The following TSPEAR variants were observed in gnomAD, a reference collection of about 807,000 sequenced individuals.
The protein encoded by TSPEAR is thrombospondin type laminin G domain and EAR repeats, also known as thrombospondin-type laminin G domain and EAR repeat-containing protein.
A neutral mutation model predicts 71.6 loss-of-function variants in TSPEAR; 69 were observed. The observed-to-expected ratio is 0.96, with a 90% confidence interval of 0.79 to 1.18. TSPEAR has a LOEUF of 1.18. Among genes scored for constraint, TSPEAR ranks in the 50% most tolerant of loss-of-function variants. The probability of loss-of-function intolerance (pLI) is 0.00; values close to 1 mark genes in which losing one functional copy is unlikely to be tolerated. For synonymous variants in TSPEAR, 402 were observed against 387.2 expected (o/e 1.04, Z -0.45); for missense variants, 971 against 894.9 (o/e 1.09, Z -1.09).
intron 1 of TSPEAR, among the ~76,000 whole-genome samples, chr21:44,625,638 G>A (rs782269597): frequency 3.9e-5 from 6 of 152,344 alleles, no homozygotes; most frequent in South Asian, 2.1e-4. Context: ...GGGGAAGGCC[G>A]CGGGGAGCGG....
chr21:44,702,651 C>T (rs1987712933), intron 1 of TSPEAR: 3 of 1,581,308 alleles, frequency 1.9e-6, no homozygotes, highest in East Asian at 2.2e-5. Flanking sequence ...GGCCCACCTG[C>T]TGCATGCCCG....
intron 1 of TSPEAR, chr21:44,575,128 T>C (rs1978346402): frequency 9.6e-7 from 1 of 1,037,600 alleles, no homozygotes; most frequent in Non-Finnish European, 1.4e-6. Context: ...TGGTGTCTGC[T>C]GTTGAGCTGG....
At chr21:44,538,291 A>G (rs1457127481) in intron 2 of TSPEAR, among the ~76,000 whole-genome samples, 4 of 152,098 alleles carry the variant, frequency 2.6e-5, no homozygotes, top group African/African-American at 9.7e-5. Flanking sequence ...CCCACAGGAC[A>G]TCACAGGCAG....
intron 1 of TSPEAR, among the ~76,000 whole-genome samples, chr21:44,653,224 G>T (rs191178946): frequency 1.3e-5 from 2 of 152,194 alleles, no homozygotes; most frequent in Admixed American, 1.3e-4. Flanking sequence ...CTTATAGGGC[G>T]AGTGATGATG....
intron 1 of TSPEAR, chr21:44,591,615 C>A (rs201123949): frequency 0.018 from 28,476 of 1,612,568 alleles, 432 homozygotes; most frequent in African/African-American, 0.06. Flanking sequence ...TGCAGCAAGC[C>A]GGCTGGCAGC....
intron 1 of TSPEAR, among the ~76,000 whole-genome samples, chr21:44,696,868 C>A (rs563036695): frequency 1.3e-5 from 2 of 151,792 alleles, no homozygotes; most frequent in East Asian, 3.9e-4. Flanking sequence ...CTACGCTACA[C>A]GGTTCATGGT....
chr21:44,521,088 G>A (rs1056638863), intron 9 of TSPEAR, among the ~76,000 whole-genome samples: 2 of 152,234 alleles, frequency 1.3e-5, no homozygotes, highest in Non-Finnish European at 2.9e-5. Context: ...AGGGGGCACA[G>A]AAGATTCCAG....
At chr21:44,554,732 G>C (rs186929303) in intron 2 of TSPEAR, among the ~76,000 whole-genome samples, 1 of 152,334 alleles carries the variant, frequency 6.6e-6, no homozygotes, top group African/African-American at 2.4e-5. Context: ...GATGTACCGG[G>C]TTAAATAAGA....
At position 44,687,973 on chromosome 21, in the gene TSPEAR, A is replaced by T. The variant is rs1209233843; in HGVS notation, c.82+23460T>A. On this transcript the variant is annotated intron_variant, in intron 1 of 11. Coordinates refer to ENST00000323084, the MANE Select transcript of TSPEAR (RefSeq NM_144991.3). This position sits in a 1 kb window ranked among gnomAD's most constrained non-coding sequence, Gnocchi z 4.4. ...CGGGGGTGAGTATCCGATCAAGCAC[A>T]GTGAGTGACGTGCCAGGTGCAGATC... Among the ~76,000 whole-genome samples the T allele has an allele frequency of 6.6e-6, 1 of 152,202 alleles. No individual in the cohort carries two copies. Among genetic ancestry groups the T allele is most frequent in the Non-Finnish European group, 1.5e-5 (1 of 68,038 alleles).
chr21:44,643,375 G>A (rs587732337), intron 1 of TSPEAR, among the ~76,000 whole-genome samples: 1 of 152,252 alleles, frequency 6.6e-6, no homozygotes, highest in East Asian at 1.9e-4. Flanking sequence ...ACGCAACATA[G>A]TAACACCGAA....
chr21:44,553,332 T>A (rs2053476567), intron 2 of TSPEAR, among the ~76,000 whole-genome samples: 2 of 151,622 alleles, frequency 1.3e-5, no homozygotes, highest in African/African-American at 4.9e-5. Context: ...AACCAGTGAG[T>A]CTCCGATTCT....
chr21:44,527,175 C>T (rs782174565), intron 7 of TSPEAR, 117 bp downstream of exon 7: 25 of 938,484 alleles, frequency 2.7e-5, no homozygotes, highest in Non-Finnish European at 3.7e-5. Flanking sequence ...ACCGCCTGAA[C>T]GAGGTGACAC....
Position 44,668,690 on chromosome 21 carries a change from T to C in TSPEAR, c.82+42743A>G, listed in dbSNP as rs587733195. Among the ~76,000 whole-genome samples, 5 of 152,326 alleles carry C rather than the reference T, an allele frequency of 3.3e-5. No individual in the cohort carries two copies. In the South Asian group the frequency reaches 1.0e-3, roughly 32 times the overall value. ...ACTGTGGTACTGGCATAAAGACCAA[T>C]ATATAGACTAATGGAATAGCATAGA... On this transcript the variant is annotated intron_variant, in intron 1 of 11. Coordinates refer to ENST00000323084, the MANE Select transcript of TSPEAR (RefSeq NM_144991.3).
chr21:44,539,935 G>A (rs782092218), intron 2 of TSPEAR: 1 of 1,613,814 alleles, frequency 6.2e-7, no homozygotes, highest in Non-Finnish European at 8.5e-7. Flanking sequence ...TGCAGGAGCT[G>A]GTGCAGCCTG....
At chr21:44,579,599 G>A (rs1601440141) in intron 1 of TSPEAR, 2 of 879,996 alleles carry the variant, frequency 2.3e-6, no homozygotes, top group Non-Finnish European at 3.4e-6. Flanking sequence ...GGCAGGAGCT[G>A]GGGAGCTTCG....
chr21:44,559,655 G>A (rs1261764270), intron 2 of TSPEAR, among the ~76,000 whole-genome samples: 3 of 152,128 alleles, frequency 2.0e-5, no homozygotes, highest in Non-Finnish European at 2.9e-5. Context: ...AAATAAAAGG[G>A]TCTGATTGCA....
chr21:44,697,032 T>A, intron 1 of TSPEAR: 1 of 991,624 alleles, frequency 1.0e-6, no homozygotes, highest in Non-Finnish European at 1.4e-6. Context: ...AGACGCTCAC[T>A]CACTCCCTCC....
intron 1 of TSPEAR, chr21:44,682,133 T>A: frequency 6.2e-7 from 1 of 1,612,930 alleles, no homozygotes; most frequent in Non-Finnish European, 8.5e-7. Flanking sequence ...TGGTGGCGTG[T>A]GGCTGGATAA....
intron 1 of TSPEAR, among the ~76,000 whole-genome samples, chr21:44,692,967 A>G (rs1391726060): frequency 4.6e-5 from 7 of 152,202 alleles, no homozygotes; most frequent in African/African-American, 1.7e-4. Flanking sequence ...CGTACTACAA[A>G]GCTACAGTAA....
Sources: gnomAD v4.1 joint callset for allele counts (sites outside exome capture counted in the v4.1 genomes callset) on GRCh38, gnomAD v4.1.1 for gene constraint, Gnocchi (gnomAD v3.1) non-coding constraint, MANE v1.5 for transcripts, NCBI Gene and HGNC (gene_info 2026-07-23, HGNC 2026-07-21) for gene names.